Variants in QKI observed in about 807,000 individuals in gnomAD.
The protein encoded by QKI is QKI, KH domain containing RNA binding, also known as KH domain-containing RNA-binding protein QKI.
QKI carries 10 observed loss-of-function variants against 39.0 expected under a neutral mutation model. That is an observed-to-expected ratio of 0.26 (90% CI 0.16 to 0.43). The LOEUF (loss-of-function observed/expected upper bound fraction) is 0.43, where lower values mean the gene tolerates loss of function less well. QKI is among the 20% of genes least tolerant of loss of function. The pLI, the probability that QKI is intolerant of heterozygous loss-of-function variation, is 1.00. For missense variants in QKI, 218 were observed against 428.0 expected, an observed-to-expected ratio of 0.51 and a Z score of 4.33; for synonymous variants, 204 against 155.4, an observed-to-expected ratio of 1.31 and a Z score of -2.33.
At chr6:163,458,240 T>C (rs1007571206) in intron 2 of QKI, among the ~76,000 whole-genome samples, 3 of 152,220 alleles carry the variant, frequency 2.0e-5, no homozygotes, top group African/African-American at 7.2e-5. Flanking sequence ...TTTGTGACTT[T>C]AAGCAAATTA....
At chr6:163,527,533 AG>A (rs1780589561) in intron 3 of QKI, among the ~76,000 whole-genome samples, 1 of 152,106 alleles carries the variant, frequency 6.6e-6, no homozygotes, top group Non-Finnish European at 1.5e-5. Context: ...CATAATTAAG[AG>A]AGTCTGTCAG....
At chr6:163,490,789 C>T (rs972756240) in intron 3 of QKI, among the ~76,000 whole-genome samples, 1 of 152,094 alleles carries the variant, frequency 6.6e-6, no homozygotes, top group African/African-American at 2.4e-5. Context: ...AAGAGATGGA[C>T]AGAAGTGGGA....
intron 4 of QKI, among the ~76,000 whole-genome samples, chr6:163,559,125 A>G (rs572710319): frequency 6.6e-6 from 1 of 152,178 alleles, no homozygotes; most frequent in East Asian, 1.9e-4. Flanking sequence ...ATGAATAGCT[A>G]TTTTGCTATC....
intron 4 of QKI, among the ~76,000 whole-genome samples, chr6:163,556,749 A>G (rs1266899726): frequency 1.3e-5 from 2 of 152,090 alleles, no homozygotes; most frequent in Non-Finnish European, 2.9e-5. Context: ...GCTGGGTGTT[A>G]TAGAATCTGT....
At chr6:163,555,635 A>G (rs1490119382) in intron 4 of QKI, among the ~76,000 whole-genome samples, 1 of 145,442 alleles carries the variant, frequency 6.9e-6, no homozygotes, top group East Asian at 2.1e-4. Flanking sequence ...CTACTCGGGG[A>G]TTGTGGACAG....
At chr6:163,509,256 A>G (rs1779289266) in intron 3 of QKI, among the ~76,000 whole-genome samples, 1 of 152,174 alleles carries the variant, frequency 6.6e-6, no homozygotes, top group Non-Finnish European at 1.5e-5. Context: ...GCCATTTTGA[A>G]ATGAAAGATA....
At chr6:163,479,329 C>T (rs953387286) in intron 3 of QKI, among the ~76,000 whole-genome samples, 1 of 152,166 alleles carries the variant, frequency 6.6e-6, no homozygotes, top group Admixed American at 6.5e-5. Context: ...AACTTTTAAA[C>T]TTTTTAAAGG....
At position 163,552,083 on chromosome 6, in the gene QKI, T is replaced by C. The variant is rs1583208527; in HGVS notation, c.547-9899T>C. Among the ~76,000 whole-genome samples the C allele has an allele frequency of 2.6e-5, 4 of 152,254 alleles. No homozygotes were observed. In the South Asian group the frequency reaches 6.2e-4, roughly 24 times the overall value. On this transcript the variant is annotated intron_variant, in intron 4 of 7. Transcript: ENST00000361752. Reference sequence around the variant, plus strand: ...CACATATTTTGTATGTTATGTATATTATATACTGTATTCTTACAATAAAAT... The same window carrying C: ...CACATATTTTGTATGTTATGTATATCATATACTGTATTCTTACAATAAAAT...
At chr6:163,461,871 A>T (rs576249702) in intron 2 of QKI, among the ~76,000 whole-genome samples, 1 of 152,212 alleles carries the variant, frequency 6.6e-6, no homozygotes, top group Non-Finnish European at 1.5e-5. Context: ...GAAGCAGTCA[A>T]AGGTTATACT....
At chr6:163,425,504 ATATG>A in intron 1 of QKI, among the ~76,000 whole-genome samples, 1 of 152,358 alleles carries the variant, frequency 6.6e-6, no homozygotes, top group South Asian at 2.1e-4. Flanking sequence ...TATACAATAT[ATATG>A]GGTTTAAAGT....
At chr6:163,461,184 A>G (rs962589535) in intron 2 of QKI, among the ~76,000 whole-genome samples, 3 of 152,178 alleles carry the variant, frequency 2.0e-5, no homozygotes, top group Non-Finnish European at 4.4e-5. Flanking sequence ...TCACTCTGTA[A>G]GGGTATATTT....
At position 163,577,479 on chromosome 6, in the gene QKI, G is replaced by A. The variant is rs1459734436; in HGVS notation, c.*6769G>A. ...TCTGCTCTTCCTGAAAGATCAAAGT[G>A]TCTAGAAAGCCCAAACATGTATTCT... On this transcript the variant is annotated 3_prime_UTR_variant, in exon 8 of 8. Coordinates refer to ENST00000361752, the MANE Select transcript of QKI (RefSeq NM_006775.3). 6.6e-6 allele frequency: 1 copy of A among 151,678 alleles called. No individual in the cohort carries two copies. The highest frequency in any genetic ancestry group is 1.5e-5 in the Non-Finnish European group (1 of 67,968). The allele number at this position is 151,678 out of a possible 1,614,324, so 9.4% of individuals were successfully genotyped here. A position where few individuals can be genotyped will look rare whatever the true frequency, so the allele number is the denominator to read the frequency against.
intron 3 of QKI, among the ~76,000 whole-genome samples, chr6:163,488,170 A>G (rs747512621): frequency 5.3e-5 from 8 of 152,122 alleles, no homozygotes; most frequent in Non-Finnish European, 8.8e-5. Context: ...GGACTTCTTC[A>G]CATTGACTTC....
intron 3 of QKI, among the ~76,000 whole-genome samples, chr6:163,503,719 T>C (rs1434374725): frequency 6.6e-6 from 1 of 152,050 alleles, no homozygotes. Context: ...TTTTAATCTT[T>C]AATCTGTTTT....
intron 1 of QKI, 125 bp from the exon 2 acceptor site, chr6:163,455,154 C>T: frequency 4.5e-6 from 3 of 665,276 alleles, no homozygotes; most frequent in Admixed American, 6.8e-5. Flanking sequence ...TAGAATAGGC[C>T]AGGAGCTCCT....
intron 3 of QKI, among the ~76,000 whole-genome samples, chr6:163,483,733 G>A (rs1462465050): frequency 1.3e-5 from 2 of 152,084 alleles, no homozygotes; most frequent in Non-Finnish European, 2.9e-5. Context: ...CATCCTTGAG[G>A]GTTGGAATTA....
At chr6:163,444,149 G>A (rs1295877955) in intron 1 of QKI, among the ~76,000 whole-genome samples, 2 of 152,212 alleles carry the variant, frequency 1.3e-5, no homozygotes, top group Admixed American at 6.5e-5. Context: ...CTGGCCTGGA[G>A]TTCTCAACCA....
In QKI at chr6:163,574,395, T is replaced by C. The variant is rs1269450161; in HGVS notation, c.*3685T>C. The C allele has an allele frequency of 1.3e-5, 2 of 152,218 alleles. No homozygotes were observed. Among genetic ancestry groups the C allele is most frequent in the Non-Finnish European group, 2.9e-5 (2 of 68,038 alleles). The allele number at this position is 152,218 out of a possible 1,614,324, so 9.4% of individuals were successfully genotyped here. A position where few individuals can be genotyped will look rare whatever the true frequency, so the allele number is the denominator to read the frequency against. ...ACTACTCCTATTAGGGGAGCTTAAC[T>C]TGGGTAAAGTCAAAGGCCCACTGGC... On this transcript the variant is annotated 3_prime_UTR_variant, in exon 8 of 8. Coordinates refer to ENST00000361752, the MANE Select transcript of QKI (RefSeq NM_006775.3).
chr6:163,429,387 C>T (rs962930177), intron 1 of QKI, among the ~76,000 whole-genome samples: 3 of 151,966 alleles, frequency 2.0e-5, no homozygotes, highest in Admixed American at 1.3e-4. Flanking sequence ...ATTGGAATTA[C>T]GGTTTTTAAA....
Sources: allele counts gnomAD v4.1 joint callset (sites outside exome capture counted in the v4.1 genomes callset), GRCh38; gene constraint gnomAD v4.1.1; transcripts MANE v1.5; gene names NCBI Gene and HGNC (gene_info 2026-07-23, HGNC 2026-07-21).